The following COPG2 variants were observed in gnomAD, a reference collection of about 807,000 sequenced individuals.
The protein encoded by COPG2 is coatomer subunit gamma-2.
A neutral mutation model predicts 46.3 loss-of-function variants in COPG2; 37 were observed. That is an observed-to-expected ratio of 0.80 (90% CI 0.61 to 1.05). The LOEUF is 1.05. COPG2 is among the 50% of genes least tolerant of loss of function. The pLI is 0.00. For missense variants in COPG2, 427 were observed against 387.8 expected (o/e 1.10, Z -0.85); for synonymous variants, 159 against 129.7 (o/e 1.23, Z -1.53).
chr7:130,628,748 G>A (rs868957345), intron 5 of COPG2, among the ~76,000 whole-genome samples: 11 of 152,016 alleles, frequency 7.2e-5, no homozygotes, highest in South Asian at 2.1e-4. Flanking sequence ...TTTTTGTTGT[G>A]TAAGAAAGTC....
intron 12 of COPG2, among the ~76,000 whole-genome samples, chr7:130,555,927 C>A (rs1487292240): frequency 6.6e-6 from 1 of 152,156 alleles, no homozygotes; most frequent in Non-Finnish European, 1.5e-5. Flanking sequence ...ACAAGTTAAC[C>A]TGTCACAATT....
At position 130,508,434 on chromosome 7, in the gene COPG2, ATC is replaced by A. The variant is rs1459602222; in HGVS notation, c.2247+126_2247+127del. The A allele has an allele frequency of 2.6e-4, 159 of 615,218 alleles. No homozygotes were observed. In the East Asian group the frequency reaches 4.3e-3, roughly 17 times the overall value. 38.1% of individuals were successfully genotyped at this position (615,218 alleles called of 1,614,324 possible). A position where few individuals can be genotyped will look rare whatever the true frequency, so the allele number is the denominator to read the frequency against. ...TTAGTCCAGGTCCTCCTAATTTGTCATCTGTTTCAGAAGAATAGAAATCCCTT... is the reference window on the plus strand; with the variant it reads ...TTAGTCCAGGTCCTCCTAATTTGTCATGTTTCAGAAGAATAGAAATCCCTT... On this transcript the variant is annotated intron_variant, in intron 21 of 23. Coordinates refer to ENST00000425248, the MANE Select transcript of COPG2 (RefSeq NM_012133.6).
chr7:130,510,064 T>G, intron 20 of COPG2: 1 of 519,774 alleles, frequency 1.9e-6, no homozygotes, highest in Non-Finnish European at 3.8e-6. Context: ...TACCTTGTAT[T>G]TCAAATGATT....
At chr7:130,662,932 G>T in intron 4 of COPG2, 35 bp downstream of exon 4, 1 of 1,289,706 alleles carries the variant, frequency 7.8e-7, no homozygotes, top group Non-Finnish European at 1.1e-6. Context: ...ATAAAAGGAG[G>T]TTTTTCATCG....
At chr7:130,640,605 C>G (rs1795446319) in intron 5 of COPG2, among the ~76,000 whole-genome samples, 1 of 152,120 alleles carries the variant, frequency 6.6e-6, no homozygotes, top group Non-Finnish European at 1.5e-5. Flanking sequence ...ACTTCATCAT[C>G]TTTCCTGAAA....
At chr7:130,520,213 G>C (rs1179199742) in intron 20 of COPG2, among the ~76,000 whole-genome samples, 17 of 152,114 alleles carry the variant, frequency 1.1e-4, no homozygotes, top group African/African-American at 4.1e-4. Context: ...ATATTCAAAG[G>C]GAGTTACAAA....
At chr7:130,571,271 G>A (rs369543139) in intron 9 of COPG2, among the ~76,000 whole-genome samples, 45 of 152,182 alleles carry the variant, frequency 3.0e-4, no homozygotes, top group African/African-American at 9.2e-4. Flanking sequence ...CCACAGAGTG[G>A]GAGAAAAGCT....
chr7:130,665,753 T>C (rs1175718294), intron 3 of COPG2, among the ~76,000 whole-genome samples: 1 of 150,586 alleles, frequency 6.6e-6, no homozygotes, highest in East Asian at 1.9e-4. Flanking sequence ...TCCCCACTGA[T>C]ACTGAGGGAA....
intron 9 of COPG2, among the ~76,000 whole-genome samples, chr7:130,599,785 A>C (rs1262581811): frequency 2.0e-5 from 3 of 152,218 alleles, no homozygotes; most frequent in Non-Finnish European, 4.4e-5. Flanking sequence ...TCTGGGGGTA[A>C]ATAATCATGA....
chr7:130,659,985 T>G (rs1238794434), intron 4 of COPG2, among the ~76,000 whole-genome samples: 1 of 152,228 alleles, frequency 6.6e-6, no homozygotes, highest in African/African-American at 2.4e-5. Context: ...TGATTACAGA[T>G]GTAAACTATG....
chr7:130,542,659 G>C (rs1793354477), intron 20 of COPG2, among the ~76,000 whole-genome samples: 1 of 152,178 alleles, frequency 6.6e-6, no homozygotes, highest in Non-Finnish European at 1.5e-5. Context: ...ACTGTGTGTA[G>C]ACTGTGCAAA....
rs1005201748 is a variant in COPG2 at position 130,563,329 on chromosome 7, T to C, written c.879A>G (p.Gln293=). ...CTGGCTTAGGAGAACTACAGAAAAG[T>C]TGAAGAACTAAAAAAAAATAATAAT... ...RELAPAVSVL[Q]LFCSSPKPAL... Residue 293 remains glutamine (Q), a synonymous_variant, in exon 11 of 24, where the codon CAA becomes CAG. Transcript: ENST00000425248. 1.3e-5 allele frequency: 5 copies of C among 397,824 alleles called. No individual in the cohort carries two copies. The highest frequency in any genetic ancestry group is 2.2e-5 in the Non-Finnish European group (5 of 225,742). The allele number at this position is 397,824 out of a possible 1,614,324, so 24.6% of individuals were successfully genotyped here. A position where few individuals can be genotyped will look rare whatever the true frequency, so the allele number is the denominator to read the frequency against.
chr7:130,627,319 A>G (rs1795136631), intron 5 of COPG2, among the ~76,000 whole-genome samples: 1 of 152,200 alleles, frequency 6.6e-6, no homozygotes, highest in Non-Finnish European at 1.5e-5. Context: ...TCTAGGACAC[A>G]TAGCCCTCCT....
At chr7:130,632,897 C>A (rs1236621575) in intron 5 of COPG2, among the ~76,000 whole-genome samples, 2 of 152,036 alleles carry the variant, frequency 1.3e-5, no homozygotes, top group African/African-American at 4.8e-5. Context: ...CTCCTCTAGC[C>A]CCCCACCCCG....
At chr7:130,571,849 A>C (rs370753825) in intron 9 of COPG2, among the ~76,000 whole-genome samples, 47,309 of 147,618 alleles carry the variant, frequency 0.32, 7,507 homozygotes, top group Middle Eastern at 0.48. Context: ...CTCTCTCTAT[A>C]TATATATATA....
At chr7:130,525,656 G>A (rs1799766453) in intron 20 of COPG2, among the ~76,000 whole-genome samples, 1 of 152,186 alleles carries the variant, frequency 6.6e-6, no homozygotes, top group African/African-American at 2.4e-5. Context: ...ACAGCTGAAA[G>A]TATGTACATA....
At chr7:130,573,662 C>A (rs1554445804) in intron 9 of COPG2, among the ~76,000 whole-genome samples, 1 of 151,900 alleles carries the variant, frequency 6.6e-6, no homozygotes, top group African/African-American at 2.4e-5. Context: ...AGAATAAAAA[C>A]CACATAATTA....
At position 130,532,799 on chromosome 7, in the gene COPG2, G is replaced by A. The variant is rs1044440109; in HGVS notation, c.2149+14875C>T. 8.5e-5 allele frequency among the ~76,000 whole-genome samples: 13 copies of A among 152,256 alleles called. No individual in the cohort carries two copies. The South Asian group carries it at 2.5e-3, about 29-fold the overall frequency. On this transcript the variant is annotated intron_variant, in intron 20 of 23. Transcript: ENST00000425248. ...CATGGACAGCAGAGGAGGTGGATTC[G>A]GTGCAGTACGTGTGACGCAGAGATG...
At position 130,507,455 on chromosome 7, in the gene COPG2, G is replaced by T. The variant is rs909538291; in HGVS notation, c.2387-83C>A. On this transcript the variant is annotated intron_variant, in intron 22 of 23. Transcript: ENST00000425248. ...CTGCACCAGTGTATGCTGGGAGCTG[G>T]GGTGGAAGGGTTTGTTGGTGAAGGG... is the stretch of plus-strand genomic sequence containing the variant. 1.3e-5 allele frequency: 10 copies of T among 758,662 alleles called. No homozygotes were observed. The South Asian group carries it at 1.4e-4, about 11-fold the overall frequency. 47.0% of individuals were successfully genotyped at this position (758,662 alleles called of 1,614,324 possible).
Sources: gnomAD v4.1 joint callset for allele counts (sites outside exome capture counted in the v4.1 genomes callset) on GRCh38, gnomAD v4.1.1 for gene constraint, MANE v1.5 for transcripts, NCBI Gene and HGNC (gene_info 2026-07-23, HGNC 2026-07-21) for gene names.